DCAF6: variants seen among roughly 807,000 people sequenced by gnomAD.
DCAF6 encodes the protein DDB1 and CUL4 associated factor 6.
A neutral mutation model predicts 125.1 loss-of-function variants in DCAF6; 54 were observed. The observed-to-expected ratio is 0.43, with a 90% CI of 0.35 to 0.54. DCAF6 has a LOEUF of 0.54. DCAF6 is among the 20% of genes least tolerant of loss of function. The pLI, the probability that DCAF6 is intolerant of heterozygous loss-of-function variation, is 0.01. For synonymous variants in DCAF6, 371 were observed against 390.4 expected, an observed-to-expected ratio of 0.95 and a Z score of 0.58; for missense variants, 934 against 1,161.7, an observed-to-expected ratio of 0.80 and a Z score of 2.85.
chr1:167,980,708 A>G (rs1419836386), intron 4 of DCAF6, among the ~76,000 whole-genome samples: 3 of 152,062 alleles, frequency 2.0e-5, no homozygotes, highest in Non-Finnish European at 4.4e-5. Flanking sequence ...TGTTGTTAAC[A>G]TAGGATTTCT....
At position 168,075,446 on chromosome 1, in the gene DCAF6, T is replaced by C; in HGVS notation, c.*11T>C. 6.3e-7 allele frequency: 1 copy of C among 1,589,584 alleles called. No individual in the cohort carries two copies. The highest frequency in any genetic ancestry group is 8.5e-7 in the Non-Finnish European group (1 of 1,172,582). ...GAGGATGAGGAATAATAAACTCTTT[T>C]TGGCAAGCACTTAAATGTTCTGAAA... On this transcript the variant is annotated 3_prime_UTR_variant, in exon 22 of 22. Coordinates refer to ENST00000367840, the MANE Select transcript of DCAF6 (RefSeq NM_001198956.2).
At chr1:168,056,125 A>C in intron 17 of DCAF6, 1 of 1,595,206 alleles carries the variant, frequency 6.3e-7, no homozygotes, top group Non-Finnish European at 8.6e-7. Flanking sequence ...AAAGCACCAA[A>C]CTCATCTTGT....
intron 17 of DCAF6, among the ~76,000 whole-genome samples, chr1:168,054,840 G>A (rs1162012652): frequency 3.5e-5 from 5 of 143,960 alleles, no homozygotes; most frequent in Admixed American, 2.9e-4. Context: ...TTTTTGAGAC[G>A]GAGTCTCACT....
chr1:167,948,165 G>GT (rs1049299793), intron 1 of DCAF6, among the ~76,000 whole-genome samples: 7 of 145,944 alleles, frequency 4.8e-5, no homozygotes, highest in Admixed American at 2.0e-4. Context: ...TTTTTAGATG[G>GT]TTTTTTCTCT....
At chr1:168,075,309 A>AT in intron 21 of DCAF6, 62 bp from the exon 22 acceptor site, 1 of 1,458,550 alleles carries the variant, frequency 6.9e-7, no homozygotes. Flanking sequence ...GCATTGAAAA[A>AT]TATTAATAAT....
chr1:167,947,911 A>G (rs1673316358), intron 1 of DCAF6, among the ~76,000 whole-genome samples: 1 of 152,166 alleles, frequency 6.6e-6, no homozygotes, highest in African/African-American at 2.4e-5. Context: ...GTTTAAGTCC[A>G]GTGTTTCTTT....
chr1:167,885,031 AG>A, the DCAF6 span, among the ~76,000 whole-genome samples: 1 of 152,218 alleles, frequency 6.6e-6, no homozygotes, highest in Non-Finnish European at 1.5e-5. Context: ...CAAATAAGTG[AG>A]AACATGTGGT....
intron 20 of DCAF6, among the ~76,000 whole-genome samples, chr1:168,068,020 A>G (rs1008982134): frequency 2.0e-5 from 3 of 152,194 alleles, no homozygotes; most frequent in Non-Finnish European, 4.4e-5. Context: ...CAGTTCTCCT[A>G]TAGGGAAAAC....
At chr1:167,886,598 G>A in the DCAF6 span, among the ~76,000 whole-genome samples, 2 of 152,108 alleles carry the variant, frequency 1.3e-5, no homozygotes, top group African/African-American at 4.8e-5. Context: ...AAAAACCCTA[G>A]AAGAAACCTA....
rs190409040 is a variant in DCAF6 at position 168,075,390 on chromosome 1, A to G, written c.2811A>G (p.Arg937=). 4.4e-6 allele frequency: 7 copies of G among 1,606,094 alleles called. No homozygotes were observed. The Admixed American group carries it at 1.0e-4, about 24-fold the overall frequency. The change falls in exon 22 of 22, where the codon AGA becomes AGG. Residue 937 remains arginine (R), a synonymous_variant. Transcript: ENST00000367840. ...HIRADRLEGD[R]SEGSGQENEN... ...TTCCAGACCGGTTGGAGGGTGACAG[A>G]TCAGAAGGCTCTGGTCAAGAGAATG...
chr1:167,938,061 C>G (rs1312731209), intron 1 of DCAF6, among the ~76,000 whole-genome samples: 2 of 152,058 alleles, frequency 1.3e-5, no homozygotes, highest in Admixed American at 1.3e-4. Context: ...TTTTTTAATT[C>G]TTTTTAGTGT....
chr1:167,924,540 G>GAAA, the DCAF6 span: 5 of 1,243,724 alleles, frequency 4.0e-6, no homozygotes, highest in Non-Finnish European at 4.3e-6. Flanking sequence ...TCTGGGACCT[G>GAAA]AAAAAAAAAA....
rs928639952 is a variant in DCAF6, at chr1:167,943,536, A to T, written c.97+6528A>T. On this transcript the variant is annotated intron_variant, in intron 1 of 21. Transcript: ENST00000367840. ...TTATTTATTTTTACTTTTTATTTGT[A>T]CAAATTTATGGGTACATATGCAGTT... is the stretch of plus-strand genomic sequence containing the variant. Among the ~76,000 whole-genome samples, 9 of 152,122 alleles carry T rather than the reference A, an allele frequency of 5.9e-5. No homozygotes were observed. The South Asian group carries it at 1.9e-3, about 32-fold the overall frequency.
At chr1:168,006,042 A>G (rs943712521) in intron 10 of DCAF6, among the ~76,000 whole-genome samples, 2 of 152,166 alleles carry the variant, frequency 1.3e-5, no homozygotes, top group Admixed American at 1.3e-4. Flanking sequence ...ATATTCTTGA[A>G]CATATTGATC....
chr1:167,917,191 C>T, the DCAF6 span: 1 of 152,154 alleles, frequency 6.6e-6, no homozygotes. Context: ...TTATTTGTAG[C>T]GTGGAGTAAT....
intron 14 of DCAF6, 83 bp from the exon 15 acceptor site, chr1:168,044,501 GC>G (rs1323144551): frequency 2.3e-6 from 2 of 851,830 alleles, no homozygotes; most frequent in Non-Finnish European, 4.0e-6. Flanking sequence ...GACTTGAGGA[GC>G]TGCAGATTTT....
the DCAF6 span, among the ~76,000 whole-genome samples, chr1:167,865,484 AAT>A: frequency 6.6e-6 from 1 of 152,226 alleles, no homozygotes; most frequent in Non-Finnish European, 1.5e-5. Context: ...AAATTGGATA[AAT>A]ATGTCTATGA....
At chr1:167,985,398 C>T (rs1158785648) in intron 4 of DCAF6, among the ~76,000 whole-genome samples, 5 of 152,100 alleles carry the variant, frequency 3.3e-5, no homozygotes, top group Admixed American at 2.6e-4. Context: ...ACTTGCATTC[C>T]TTGGAGCAAG....
At chr1:167,948,500 A>G (rs556860349) in intron 1 of DCAF6, among the ~76,000 whole-genome samples, 5 of 152,202 alleles carry the variant, frequency 3.3e-5, no homozygotes, top group Non-Finnish European at 7.3e-5. Flanking sequence ...CTCTATAAGT[A>G]ATAATTCTCA....
Sources: gnomAD v4.1 joint callset for allele counts (sites outside exome capture counted in the v4.1 genomes callset) on GRCh38, gnomAD v4.1.1 for gene constraint, MANE v1.5 for transcripts, NCBI Gene and HGNC (gene_info 2026-07-23, HGNC 2026-07-21) for gene names.